The following GALNT14 variants were observed in gnomAD, a reference collection of about 807,000 sequenced individuals.
The protein encoded by GALNT14 is polypeptide N-acetylgalactosaminyltransferase 14, also known as UDP-GalNAc:polypeptide N-acetylgalactosaminyltransferase 14.
A neutral mutation model predicts 77.5 loss-of-function variants in GALNT14; 60 were observed. The ratio of observed to expected loss-of-function variants is 0.77; its 90% CI spans 0.63 to 0.96. The LOEUF is 0.96. Among genes scored for constraint, GALNT14 ranks in the 40% least tolerant of loss-of-function variants. GALNT14 has a pLI of 0.00. For synonymous variants in GALNT14, 280 were observed against 281.7 expected, an observed-to-expected ratio of 0.99 and a Z score of 0.06; for missense variants, 710 against 731.0, an observed-to-expected ratio of 0.97 and a Z score of 0.33.
At chr2:30,973,877 T>C (rs979066242) in intron 2 of GALNT14, among the ~76,000 whole-genome samples, 1 of 152,224 alleles carries the variant, frequency 6.6e-6, no homozygotes. Context: ...AGATTCGCTA[T>C]TCCATTATAT....
intron 1 of GALNT14, among the ~76,000 whole-genome samples, chr2:31,116,168 T>C (rs1678097854): frequency 6.6e-6 from 1 of 152,130 alleles, no homozygotes; most frequent in South Asian, 2.1e-4. Context: ...TCAGCATAGA[T>C]GGTATAGTAA....
intron 1 of GALNT14, among the ~76,000 whole-genome samples, chr2:31,064,151 T>C (rs1344515439): frequency 6.6e-6 from 1 of 152,188 alleles, no homozygotes; most frequent in East Asian, 1.9e-4. Context: ...GACAAGCTGC[T>C]GCAAATGCTT....
intron 13 of GALNT14, among the ~76,000 whole-genome samples, chr2:30,920,090 G>A (rs1046043880): frequency 1.3e-5 from 2 of 152,168 alleles, no homozygotes; most frequent in East Asian, 3.9e-4. Context: ...TCAGGGGCAG[G>A]TGTCTTCTCA....
At chr2:30,916,332 CTCT>C (rs1664676093) in intron 13 of GALNT14, among the ~76,000 whole-genome samples, 3 of 152,220 alleles carry the variant, frequency 2.0e-5, no homozygotes, top group Admixed American at 2.0e-4. Context: ...GAAATAAACT[CTCT>C]TCTTTCCCAG....
intron 1 of GALNT14, chr2:31,073,221 G>A (rs1675529759): frequency 1.3e-5 from 2 of 152,328 alleles, no homozygotes; most frequent in South Asian, 4.1e-4. Context: ...TGGGATTTTT[G>A]TGAGGTTTAG....
chr2:30,920,585 AAAG>A (rs1260185185), intron 13 of GALNT14, among the ~76,000 whole-genome samples: 1 of 151,952 alleles, frequency 6.6e-6, no homozygotes, highest in African/African-American at 2.4e-5. Flanking sequence ...CGGACACTGA[AAAG>A]AAGAGAAAGG....
the GALNT14 span, among the ~76,000 whole-genome samples, chr2:30,899,237 G>A: frequency 6.6e-6 from 1 of 152,224 alleles, no homozygotes; most frequent in East Asian, 1.9e-4. Flanking sequence ...GTGAAGCTCC[G>A]TTGTTGAAGC....
At chr2:30,950,030 T>C (rs890483803) in intron 6 of GALNT14, among the ~76,000 whole-genome samples, 2 of 152,340 alleles carry the variant, frequency 1.3e-5, no homozygotes, top group African/African-American at 4.8e-5. Flanking sequence ...ATCAGCCAGC[T>C]CTGGGGACTC....
chr2:31,091,219 A>G (rs1203685194), intron 1 of GALNT14, among the ~76,000 whole-genome samples: 1 of 152,182 alleles, frequency 6.6e-6, no homozygotes, highest in Non-Finnish European at 1.5e-5. Flanking sequence ...GGGCTTTTGC[A>G]TTTTTAAATG....
chr2:31,046,132 T>C (rs1376852541), intron 1 of GALNT14, among the ~76,000 whole-genome samples: 3 of 151,638 alleles, frequency 2.0e-5, no homozygotes, highest in East Asian at 1.9e-4. Flanking sequence ...ACATTTTACA[T>C]ATAAAAAAGA....
At chr2:30,899,182 GA>G in the GALNT14 span, among the ~76,000 whole-genome samples, 2 of 152,214 alleles carry the variant, frequency 1.3e-5, no homozygotes, top group Non-Finnish European at 2.9e-5. Flanking sequence ...CCTGCAAGAT[GA>G]ATGGAGGCGG....
intron 1 of GALNT14, among the ~76,000 whole-genome samples, chr2:31,071,530 G>A (rs1244125662): frequency 6.6e-6 from 1 of 152,160 alleles, no homozygotes; most frequent in Non-Finnish European, 1.5e-5. Flanking sequence ...TAGACAGACA[G>A]GCAGGGCTCC....
intron 1 of GALNT14, among the ~76,000 whole-genome samples, chr2:31,108,090 A>G (rs138462918): frequency 2.6e-5 from 4 of 152,280 alleles, no homozygotes; most frequent in Non-Finnish European, 2.9e-5. Context: ...ACACGCCACT[A>G]CTTGGCACCA....
chr2:30,907,318 C>T (rs1287553761), downstream of GALNT14, among the ~76,000 whole-genome samples: 2 of 151,680 alleles, frequency 1.3e-5, no homozygotes, highest in African/African-American at 4.8e-5. Flanking sequence ...GCTAGCAAGA[C>T]TAATAAAGAA....
intron 13 of GALNT14, among the ~76,000 whole-genome samples, chr2:30,917,116 T>TGAG (rs906362649): frequency 2.0e-5 from 2 of 99,330 alleles, no homozygotes; most frequent in African/African-American, 3.7e-5. Flanking sequence ...GAGGCAGGAG[T>TGAG]GAGGACGAGC....
Position 30,910,846 on chromosome 2 carries a change from G to A in GALNT14, c.*55C>T, listed in dbSNP as rs1050842695. 11 of 1,589,890 alleles carry A rather than the reference G, an allele frequency of 6.9e-6. No homozygotes were observed. The African/African-American group carries it at 1.3e-4, about 19-fold the overall frequency. ...CTGCTTGCTGCCCAGTTTCCAGTCTGTTCTGGTCCAGGGAAGCACCACCCC... is the reference window on the plus strand; with the variant it reads ...CTGCTTGCTGCCCAGTTTCCAGTCTATTCTGGTCCAGGGAAGCACCACCCC... On this transcript the variant is annotated 3_prime_UTR_variant, in exon 15 of 15. Transcript: ENST00000349752.
the GALNT14 span, among the ~76,000 whole-genome samples, chr2:30,888,771 C>A: frequency 6.6e-6 from 1 of 152,114 alleles, no homozygotes; most frequent in Non-Finnish European, 1.5e-5. Flanking sequence ...ACTAATCTTG[C>A]TGGTTGCAAA....
intron 1 of GALNT14, among the ~76,000 whole-genome samples, chr2:31,025,976 C>A (rs4952028): frequency 6.6e-6 from 1 of 151,858 alleles, no homozygotes; most frequent in Non-Finnish European, 1.5e-5. Context: ...TGAAGAGTAA[C>A]CTGCTTGATG....
chr2:31,037,013 T>C (rs574888512), intron 1 of GALNT14, among the ~76,000 whole-genome samples: 22 of 152,334 alleles, frequency 1.4e-4, no homozygotes, highest in African/African-American at 5.3e-4. Flanking sequence ...TTCTTCTATA[T>C]GTAGATAAAT....
Sources: allele counts gnomAD v4.1 joint callset (sites outside exome capture counted in the v4.1 genomes callset), GRCh38; gene constraint gnomAD v4.1.1; transcripts MANE v1.5; gene names NCBI Gene and HGNC (gene_info 2026-07-23, HGNC 2026-07-21).